SOCS2: variants seen among roughly 807,000 people sequenced by gnomAD.
SOCS2 encodes the protein CIS-2.
Under a neutral mutation model 18.6 loss-of-function variants are expected in SOCS2, and 10 were observed. The ratio of observed to expected loss-of-function variants is 0.54; its 90% CI spans 0.33 to 0.91. The LOEUF is 0.91. Ranked by LOEUF, SOCS2 falls within the 40% of genes least tolerant of loss-of-function variation. SOCS2 has a pLI of 0.02. For synonymous variants in SOCS2, 104 were observed against 104.0 expected, an observed-to-expected ratio of 1.00 and a Z score of 0.00; for missense variants, 231 against 247.2, an observed-to-expected ratio of 0.93 and a Z score of 0.44.
chr12:93,582,995 G>GTT (rs1412184842), intron 1 of SOCS2: 1 of 136,308 alleles, frequency 7.3e-6, no homozygotes, highest in South Asian at 2.3e-4. Flanking sequence ...TTAACTCTGG[G>GTT]TTTTGTTTTT....
At chr12:93,613,288 G>A in the SOCS2 span, among the ~76,000 whole-genome samples, 1 of 152,100 alleles carries the variant, frequency 6.6e-6, no homozygotes. Context: ...TAGCCTCTTC[G>A]TTAGTAATTT....
In SOCS2 at chr12:93,576,033, CTTGAATTGTCT is replaced by C. The variant is rs1290167737; in HGVS notation, c.*855_*865del. ...TGGCTTTAGAAATATCCAAGTTGTCCTTGAATTGTCTAACCATGGACATAAACAGTTGTCTC... is the reference window on the plus strand; with the variant it reads ...TGGCTTTAGAAATATCCAAGTTGTCCAACCATGGACATAAACAGTTGTCTC... On this transcript the variant is annotated 3_prime_UTR_variant, in exon 2 of 2. Coordinates refer to ENST00000551556, the MANE Select transcript of SOCS2 (RefSeq NM_001270471.2). 6.6e-6 allele frequency: 1 copy of C among 152,596 alleles called. No individual in the cohort carries two copies. The highest frequency in any genetic ancestry group is 1.5e-5 in the Non-Finnish European group (1 of 68,032). The allele number at this position is 152,596 out of a possible 1,614,324, so 9.5% of individuals were successfully genotyped here.
At chr12:93,614,468 TTCCTTCCTTCCTTTCC>T in the SOCS2 span, among the ~76,000 whole-genome samples, 9 of 91,208 alleles carry the variant, frequency 9.9e-5, no homozygotes, top group Admixed American at 7.1e-4. Context: ...CCTTCCTTCC[TTCCTTCCTTCCTTTCC>T]TTCCTTCCTT....
upstream of SOCS2, chr12:93,572,473 C>T: frequency 2.7e-6 from 1 of 366,712 alleles, no homozygotes; most frequent in Admixed American, 3.7e-5. The surrounding 1 kb of genome is among the most constrained non-coding windows in gnomAD (Gnocchi z 5.0). Context: ...CCTCCGCCCC[C>T]CACCTCTTCA....
chr12:93,602,459 T>C, the SOCS2 span, among the ~76,000 whole-genome samples: 1 of 152,160 alleles, frequency 6.6e-6, no homozygotes, highest in Admixed American at 6.5e-5. Flanking sequence ...TATGTGTATG[T>C]ATAAAGTCAT....
chr12:93,608,414 C>T, the SOCS2 span, among the ~76,000 whole-genome samples: 1 of 152,080 alleles, frequency 6.6e-6, no homozygotes, highest in Non-Finnish European at 1.5e-5. Flanking sequence ...TGTGGCTCTA[C>T]AGAGCACTGT....
chr12:93,618,787 T>C, the SOCS2 span, among the ~76,000 whole-genome samples: 5 of 150,740 alleles, frequency 3.3e-5, no homozygotes, highest in East Asian at 9.6e-4. Context: ...TTAATATGGT[T>C]GTTTACCAGA....
rs780143471 is a variant in SOCS2, at chr12:93,572,996, G to T, written c.99G>T (p.Ala33=). The T allele has an allele frequency of 3.2e-6, 5 of 1,569,326 alleles. No homozygotes were observed. The South Asian group carries it at 4.7e-5, about 15-fold the overall frequency. Residue 33 remains alanine, a synonymous_variant, in exon 1 of 2, where the codon GCG becomes GCT. Transcript: ENST00000551556. The surrounding 1 kb of genome is among the most constrained non-coding windows in gnomAD (Gnocchi z 5.0). ...CGGCGGAGGAGCCATCCCCGCAGGC[G>T]GCGCGTCTGGCGAAGGCCCTGCGGG... ...AGSAEEPSPQ[A]ARLAKALREL...
upstream of SOCS2, chr12:93,571,854 AT>A: frequency 5.4e-6 from 1 of 184,136 alleles, no homozygotes; most frequent in Admixed American, 6.1e-5. Flanking sequence ...CCCCCGCCCC[AT>A]GTCCGCTGAG....
chr12:93,584,284 C>T (rs1954570343), downstream of SOCS2, among the ~76,000 whole-genome samples: 1 of 152,232 alleles, frequency 6.6e-6, no homozygotes, highest in South Asian at 2.1e-4. Flanking sequence ...TGTTACCTCT[C>T]TCCCGATTTC....
At chr12:93,570,722 G>C (rs377660426), upstream of SOCS2, 187 of 152,478 alleles carry the variant, frequency 1.2e-3, no homozygotes, top group African/African-American at 4.3e-3. Flanking sequence ...TGGCCGGGGA[G>C]ATCTCTAGCT....
chr12:93,624,504 G>A, the SOCS2 span, among the ~76,000 whole-genome samples: 26 of 152,054 alleles, frequency 1.7e-4, no homozygotes, highest in East Asian at 2.5e-3. Context: ...TCCGGGAGGC[G>A]GAGGTTGTAG....
the SOCS2 span, among the ~76,000 whole-genome samples, chr12:93,614,269 A>G: frequency 1.3e-5 from 2 of 152,152 alleles, no homozygotes; most frequent in Non-Finnish European, 2.9e-5. Flanking sequence ...CAAACACACG[A>G]TGCTCTGAGA....
the SOCS2 span, among the ~76,000 whole-genome samples, chr12:93,589,015 A>G: frequency 2.0e-5 from 3 of 152,244 alleles, no homozygotes; most frequent in Admixed American, 6.5e-5. Flanking sequence ...TGGCTGGAGC[A>G]GAATGCTTAT....
At chr12:93,614,860 C>T in the SOCS2 span, among the ~76,000 whole-genome samples, 18 of 151,288 alleles carry the variant, frequency 1.2e-4, no homozygotes, top group Non-Finnish European at 1.5e-4. Flanking sequence ...GTGATCCATC[C>T]GCCTCGGCCT....
At chr12:93,620,562 G>A in the SOCS2 span, among the ~76,000 whole-genome samples, 1 of 152,268 alleles carries the variant, frequency 6.6e-6, no homozygotes, top group African/African-American at 2.4e-5. Flanking sequence ...TTACAGGCAT[G>A]CACCACCATG....
the SOCS2 span, among the ~76,000 whole-genome samples, chr12:93,596,229 A>T: frequency 3.5e-4 from 53 of 152,296 alleles, no homozygotes; most frequent in African/African-American, 1.2e-3. Flanking sequence ...TACATACATT[A>T]TTTGATTTAA....
chr12:93,616,243 G>A, the SOCS2 span, among the ~76,000 whole-genome samples: 1 of 152,190 alleles, frequency 6.6e-6, no homozygotes, highest in East Asian at 1.9e-4. Context: ...GTGCTCCATT[G>A]GGGTTGCTGA....
chr12:93,570,694 G>A (rs1018884288), upstream of SOCS2: 10 of 152,330 alleles, frequency 6.6e-5, no homozygotes, highest in Admixed American at 4.6e-4. Context: ...CCGCCGAAAC[G>A]GGGTTGGCTG....
Sources: gnomAD v4.1 joint callset for allele counts (sites outside exome capture counted in the v4.1 genomes callset) on GRCh38, gnomAD v4.1.1 for gene constraint, Gnocchi (gnomAD v3.1) non-coding constraint, MANE v1.5 for transcripts, NCBI Gene and HGNC (gene_info 2026-07-23, HGNC 2026-07-21) for gene names.